The following CAMK1D variants were observed in gnomAD, a reference collection of about 807,000 sequenced individuals.
The protein encoded by CAMK1D is calcium/calmodulin dependent protein kinase ID, also known as calcium/calmodulin-dependent protein kinase type 1D.
In CAMK1D, 9 loss-of-function variants were observed where a neutral mutation model predicts 47.7. The observed-to-expected ratio is 0.19, with a 90% confidence interval of 0.11 to 0.33. The LOEUF (loss-of-function observed/expected upper bound fraction) is 0.33, where lower values mean the gene tolerates loss of function less well. Among genes scored for constraint, CAMK1D ranks in the 10% least tolerant of loss-of-function variants. The pLI, the probability that CAMK1D is intolerant of heterozygous loss-of-function variation, is 1.00. For missense variants in CAMK1D, 291 were observed against 488.7 expected (o/e 0.60, Z 3.81); for synonymous variants, 184 against 184.9 (o/e 0.99, Z 0.04).
At chr10:12,425,144 T>C (rs1313451610) in intron 1 of CAMK1D, among the ~76,000 whole-genome samples, 7 of 152,206 alleles carry the variant, frequency 4.6e-5, no homozygotes. Context: ...GCATGGAGTC[T>C]GACCCATGGT....
intron 2 of CAMK1D, among the ~76,000 whole-genome samples, chr10:12,576,070 C>G (rs1334881841): frequency 6.6e-6 from 1 of 152,176 alleles, no homozygotes; most frequent in Admixed American, 6.5e-5. Flanking sequence ...AAAATACTCT[C>G]TTATTCATAA....
At chr10:12,591,801 C>G (rs939794890) in intron 2 of CAMK1D, among the ~76,000 whole-genome samples, 13 of 152,240 alleles carry the variant, frequency 8.5e-5, no homozygotes, top group African/African-American at 2.7e-4. Context: ...TCTAGTGATT[C>G]TCCTGCCTCA....
chr10:12,491,301 G>A (rs1406310275), intron 1 of CAMK1D, among the ~76,000 whole-genome samples: 1 of 152,112 alleles, frequency 6.6e-6, no homozygotes, highest in Admixed American at 6.6e-5. Flanking sequence ...GGCTGGATGT[G>A]GTGGTCTTCA....
At chr10:12,382,428 T>G (rs116955622) in intron 1 of CAMK1D, among the ~76,000 whole-genome samples, 1,685 of 152,100 alleles carry the variant, frequency 0.011, 19 homozygotes, top group Non-Finnish European at 0.018. Flanking sequence ...TTACATAGGA[T>G]CTTTCATATG....
intron 6 of CAMK1D, among the ~76,000 whole-genome samples, chr10:12,807,846 C>T (rs933180646): frequency 4.6e-5 from 7 of 152,172 alleles, no homozygotes; most frequent in South Asian, 2.1e-4. Flanking sequence ...GTTGGCCACT[C>T]GTCTTCCTGA....
chr10:12,491,637 C>T (rs17151776), intron 1 of CAMK1D, among the ~76,000 whole-genome samples: 3,698 of 152,126 alleles, frequency 0.024, 116 homozygotes, highest in South Asian at 0.092. Flanking sequence ...GGTGAAACAC[C>T]TCCCAGTATC....
intron 2 of CAMK1D, among the ~76,000 whole-genome samples, chr10:12,575,504 G>A (rs1051948511): frequency 3.9e-5 from 6 of 152,262 alleles, no homozygotes; most frequent in South Asian, 4.1e-4. Flanking sequence ...CTTTAATTTG[G>A]AGGACGTCCA....
chr10:12,474,459 C>T (rs1833842861), intron 1 of CAMK1D, among the ~76,000 whole-genome samples: 2 of 152,076 alleles, frequency 1.3e-5, no homozygotes, highest in South Asian at 4.1e-4. Context: ...TCCAAAAGTG[C>T]TGGGATTACA....
chr10:12,562,394 G>T (rs1354309595), intron 2 of CAMK1D, among the ~76,000 whole-genome samples: 1 of 152,166 alleles, frequency 6.6e-6, no homozygotes, highest in Non-Finnish European at 1.5e-5. Flanking sequence ...ACTGTTGGAG[G>T]ACACGCTCAA....
chr10:12,388,286 C>G (rs1474474924), intron 1 of CAMK1D, among the ~76,000 whole-genome samples: 1 of 152,176 alleles, frequency 6.6e-6, no homozygotes, highest in African/African-American at 2.4e-5. Context: ...CTTGACCTCC[C>G]AAAGTGCTGA....
At chr10:12,421,511 CTTTTTTTTTTTT>C (rs71384322) in intron 1 of CAMK1D, among the ~76,000 whole-genome samples, 100 of 50,754 alleles carry the variant, frequency 2.0e-3, no homozygotes, top group Non-Finnish European at 2.9e-3. Flanking sequence ...ATCCAGGATT[CTTTTTTTTTTTT>C]TTTTTTTTTT....
chr10:12,471,140 C>T (rs942663537), intron 1 of CAMK1D, among the ~76,000 whole-genome samples: 14 of 152,120 alleles, frequency 9.2e-5, no homozygotes, highest in Non-Finnish European at 1.9e-4. Context: ...AAGCTTGAGG[C>T]TGAGTGGCCA....
chr10:12,433,899 A>G (rs903950460), intron 1 of CAMK1D, among the ~76,000 whole-genome samples: 2 of 152,224 alleles, frequency 1.3e-5, no homozygotes, highest in African/African-American at 2.4e-5. Context: ...CAGGTCCCCC[A>G]GTGCATCCTT....
chr10:12,370,611 T>C (rs11596807), intron 1 of CAMK1D, among the ~76,000 whole-genome samples: 49,924 of 152,010 alleles, frequency 0.33, 8,330 homozygotes, highest in Middle Eastern at 0.39. Flanking sequence ...TGTGTGTTTG[T>C]GTTCTTTGTT....
intron 3 of CAMK1D, among the ~76,000 whole-genome samples, chr10:12,691,926 T>C (rs1832948290): frequency 6.6e-6 from 1 of 152,184 alleles, no homozygotes; most frequent in Non-Finnish European, 1.5e-5. Flanking sequence ...GGTATAAATG[T>C]TGAGGTGGCC....
chr10:12,703,018 C>T (rs1316143057), intron 3 of CAMK1D, among the ~76,000 whole-genome samples: 2 of 152,140 alleles, frequency 1.3e-5, no homozygotes, highest in African/African-American at 2.4e-5. Context: ...AAAAGGGATG[C>T]CCAGTGTTAC....
chr10:12,525,223 T>A (rs1364271074), intron 1 of CAMK1D, among the ~76,000 whole-genome samples: 1 of 152,214 alleles, frequency 6.6e-6, no homozygotes, highest in Admixed American at 6.5e-5. Context: ...TTGAGTTTAT[T>A]TTGCTTGGGA....
At chr10:12,545,906 G>A (rs1351332525) in intron 1 of CAMK1D, among the ~76,000 whole-genome samples, 3 of 152,134 alleles carry the variant, frequency 2.0e-5, no homozygotes, top group East Asian at 1.9e-4. Context: ...AAGGCCAGTG[G>A]CGTGAAAGGC....
chr10:12,589,566 G>A (rs1272080700), intron 2 of CAMK1D, among the ~76,000 whole-genome samples: 3 of 152,158 alleles, frequency 2.0e-5, no homozygotes, highest in Admixed American at 2.0e-4. Context: ...GAAAGAGCAG[G>A]CTCCCCAGCC....
Sources: gnomAD v4.1 joint callset for allele counts (sites outside exome capture counted in the v4.1 genomes callset) on GRCh38, gnomAD v4.1.1 for gene constraint, MANE v1.5 for transcripts, NCBI Gene and HGNC (gene_info 2026-07-23, HGNC 2026-07-21) for gene names.